The following MCUB variants were observed in gnomAD, a reference collection of about 807,000 sequenced individuals.
MCUB encodes the protein mitochondrial calcium uniporter dominant negative subunit beta, also known as calcium uniporter regulatory subunit MCUb, mitochondrial.
A neutral mutation model predicts 41.4 loss-of-function variants in MCUB; 46 were observed. The observed-to-expected ratio is 1.11, with a 90% CI of 0.88 to 1.42. The LOEUF (loss-of-function observed/expected upper bound fraction) is 1.42, where lower values mean the gene tolerates loss of function less well. MCUB is among the 40% of genes most tolerant of loss of function. The pLI is 0.00. For missense variants in MCUB, 403 were observed against 404.9 expected, an observed-to-expected ratio of 1.00 and a Z score of 0.04; for synonymous variants, 148 against 148.2, an observed-to-expected ratio of 1.00 and a Z score of 0.01.
chr4:109,592,278 C>T (rs1052438476), intron 1 of MCUB, among the ~76,000 whole-genome samples: 4 of 151,622 alleles, frequency 2.6e-5, no homozygotes, highest in Admixed American at 6.6e-5. Context: ...GGTATGGTGG[C>T]GTGTACCTGC....
At chr4:109,656,373 T>C (rs1252653943) in intron 1 of MCUB, among the ~76,000 whole-genome samples, 1 of 99,436 alleles carries the variant, frequency 1.0e-5, no homozygotes, top group African/African-American at 4.1e-5. Flanking sequence ...TTTTTTTTTT[T>C]TTTTTTTTTT....
chr4:109,631,114 G>A (rs1245260265), intron 1 of MCUB, among the ~76,000 whole-genome samples: 1 of 152,200 alleles, frequency 6.6e-6, no homozygotes, highest in African/African-American at 2.4e-5. Flanking sequence ...GATCAAGCTA[G>A]TATAATTTGC....
intron 1 of MCUB, among the ~76,000 whole-genome samples, chr4:109,642,151 ATT>A: frequency 6.6e-6 from 1 of 152,314 alleles, no homozygotes; most frequent in African/African-American, 2.4e-5. Context: ...GGTGATAAGA[ATT>A]TATCTTTTCA....
chr4:109,671,517 C>T (rs1454356100), intron 4 of MCUB, among the ~76,000 whole-genome samples: 3 of 152,102 alleles, frequency 2.0e-5, no homozygotes, highest in Admixed American at 2.0e-4. Context: ...ACTGATGAGC[C>T]CATCAAAGGC....
At chr4:109,592,488 G>A (rs943659074) in intron 1 of MCUB, among the ~76,000 whole-genome samples, 5 of 151,796 alleles carry the variant, frequency 3.3e-5, no homozygotes, top group Admixed American at 2.0e-4. Context: ...ACACAAACAT[G>A]CCACAAGTTC....
chr4:109,649,810 A>G (rs1029451), intron 1 of MCUB, among the ~76,000 whole-genome samples: 106,715 of 151,808 alleles, frequency 0.7, 38,182 homozygotes, highest in African/African-American at 0.83. Context: ...CTGGGCTCAA[A>G]TAATCTTCCT....
intron 1 of MCUB, among the ~76,000 whole-genome samples, chr4:109,596,304 G>T (rs1727554058): frequency 8.9e-6 from 1 of 112,560 alleles, no homozygotes; most frequent in East Asian, 2.4e-4. Flanking sequence ...AGAGCAGACT[G>T]GGGCTTCCTA....
At chr4:109,663,535 C>CGGAT (rs1459982621) in intron 3 of MCUB, among the ~76,000 whole-genome samples, 2 of 151,768 alleles carry the variant, frequency 1.3e-5, no homozygotes, top group Non-Finnish European at 2.9e-5. Context: ...TTAGGCATCA[C>CGGAT]GTTCATTATT....
At chr4:109,683,940 T>A (rs12498588) in intron 5 of MCUB, among the ~76,000 whole-genome samples, 104,950 of 152,116 alleles carry the variant, frequency 0.69, 36,606 homozygotes, top group African/African-American at 0.78. Flanking sequence ...TTTTAAAGAG[T>A]TTTATTAGTG....
intron 7 of MCUB, 36 bp from the exon 8 acceptor site, chr4:109,687,479 T>C: frequency 6.9e-7 from 1 of 1,455,526 alleles, no homozygotes. Flanking sequence ...GTTTCTCTTC[T>C]TTCTGATCAC....
At chr4:109,610,256 A>G (rs561741490) in intron 1 of MCUB, among the ~76,000 whole-genome samples, 1 of 152,344 alleles carries the variant, frequency 6.6e-6, no homozygotes, top group South Asian at 2.1e-4. Flanking sequence ...GAGCCTGCTC[A>G]GTGCTCTACC....
At chr4:109,632,615 C>CTTTTTTT (rs33926597) in intron 1 of MCUB, among the ~76,000 whole-genome samples, 4 of 116,978 alleles carry the variant, frequency 3.4e-5, no homozygotes, top group African/African-American at 3.4e-5. Context: ...TCTGTCATTG[C>CTTTTTTT]TTTTTTTTTT....
intron 4 of MCUB, among the ~76,000 whole-genome samples, chr4:109,681,012 ACT>A (rs575337865): frequency 2.0e-3 from 298 of 151,856 alleles, no homozygotes; most frequent in African/African-American, 7.0e-3. Flanking sequence ...TATATTAAAA[ACT>A]CTGAAACCGT....
chr4:109,582,549 T>A (rs1400202596), intron 1 of MCUB, among the ~76,000 whole-genome samples: 2 of 101,198 alleles, frequency 2.0e-5, no homozygotes, highest in Non-Finnish European at 3.8e-5. Context: ...AAAAAAAAAA[T>A]CACAGTTTAA....
chr4:109,570,433 G>A (rs1241380468), intron 1 of MCUB, among the ~76,000 whole-genome samples: 1 of 152,250 alleles, frequency 6.6e-6, no homozygotes, highest in African/African-American at 2.4e-5. Flanking sequence ...GTCTATGTCA[G>A]AGATTGGTAA....
At chr4:109,572,098 G>A (rs1468621753) in intron 1 of MCUB, among the ~76,000 whole-genome samples, 1 of 152,218 alleles carries the variant, frequency 6.6e-6, no homozygotes, top group East Asian at 1.9e-4. Context: ...TATTTACAAG[G>A]AAACTTTATT....
chr4:109,585,983 T>C (rs1010175200), intron 1 of MCUB, among the ~76,000 whole-genome samples: 5 of 152,222 alleles, frequency 3.3e-5, no homozygotes, highest in African/African-American at 1.2e-4. Flanking sequence ...TGAATTTGAA[T>C]GTTGTCCTGC....
At chr4:109,603,826 G>C (rs2126131825) in intron 1 of MCUB, among the ~76,000 whole-genome samples, 1 of 151,930 alleles carries the variant, frequency 6.6e-6, no homozygotes, top group South Asian at 2.1e-4. Context: ...CCTCTGCCCG[G>C]CCACCACGTT....
chr4:109,603,570 TGAG>T (rs1727796510), intron 1 of MCUB, among the ~76,000 whole-genome samples: 1 of 149,290 alleles, frequency 6.7e-6, no homozygotes, highest in South Asian at 2.1e-4. Context: ...GTCTGGGAGG[TGAG>T]GAGCGTCTCT....
Sources: allele counts gnomAD v4.1 joint callset (sites outside exome capture counted in the v4.1 genomes callset), GRCh38; gene constraint gnomAD v4.1.1; transcripts MANE v1.5; gene names NCBI Gene and HGNC (gene_info 2026-07-23, HGNC 2026-07-21).